SMIM35: variants seen among roughly 807,000 people sequenced by gnomAD.
SMIM35 encodes the protein small integral membrane protein 35, also known as TMPRSS4 antisense RNA 1 (non-protein coding).
intron 4 of SMIM35, among the ~76,000 whole-genome samples, chr11:118,011,177 G>T (rs1301427246): frequency 6.6e-6 from 1 of 152,184 alleles, no homozygotes; most frequent in Non-Finnish European, 1.5e-5. Context: ...CTGCTCCCGA[G>T]GATGGGAAAT....
At chr11:118,075,347 C>G (rs1944648327) in intron 1 of SMIM35, among the ~76,000 whole-genome samples, 1 of 152,244 alleles carries the variant, frequency 6.6e-6, no homozygotes, top group East Asian at 1.9e-4. Context: ...TGCTCAGAGA[C>G]AAGTCCAAGG....
chr11:118,062,716 C>T (rs181700938), intron 1 of SMIM35, among the ~76,000 whole-genome samples: 2 of 152,312 alleles, frequency 1.3e-5, no homozygotes, highest in East Asian at 3.9e-4. Context: ...CGTTGACTTC[C>T]ATCTGTTTTT....
At chr11:118,008,135 G>A (rs2058131231) in intron 4 of SMIM35, among the ~76,000 whole-genome samples, 1 of 152,086 alleles carries the variant, frequency 6.6e-6, no homozygotes, top group African/African-American at 2.4e-5. Flanking sequence ...TTCCCAAAGT[G>A]CTAGGATTAC....
At chr11:118,038,843 C>A (rs1943954266) in intron 1 of SMIM35, among the ~76,000 whole-genome samples, 1 of 151,958 alleles carries the variant, frequency 6.6e-6, no homozygotes, top group Non-Finnish European at 1.5e-5. Context: ...ACAACATGTG[C>A]AAAGGGCTCA....
At chr11:118,078,378 G>C (rs772447719) in intron 1 of SMIM35, among the ~76,000 whole-genome samples, 1 of 152,152 alleles carries the variant, frequency 6.6e-6, no homozygotes, top group Non-Finnish European at 1.5e-5. Context: ...AAGGGGGAAG[G>C]GTGTGACCTG....
At chr11:118,046,229 T>C (rs888907459) in intron 1 of SMIM35, among the ~76,000 whole-genome samples, 2 of 152,096 alleles carry the variant, frequency 1.3e-5, no homozygotes, top group Admixed American at 1.3e-4. Context: ...AATGCAACAA[T>C]AAGGTGGGCA....
intron 1 of SMIM35, among the ~76,000 whole-genome samples, chr11:118,021,499 A>T (rs2058231255): frequency 6.6e-6 from 1 of 152,086 alleles, no homozygotes; most frequent in Non-Finnish European, 1.5e-5. Context: ...GTCTAATTTT[A>T]TATCATTTGC....
chr11:118,080,214 C>T (rs1424680612), intron 1 of SMIM35, among the ~76,000 whole-genome samples: 3 of 152,098 alleles, frequency 2.0e-5, no homozygotes, highest in Admixed American at 6.5e-5. Context: ...CTAGGGAAGT[C>T]GGGAAATTGT....
At chr11:118,050,350 C>G (rs927652220) in intron 1 of SMIM35, among the ~76,000 whole-genome samples, 1 of 152,210 alleles carries the variant, frequency 6.6e-6, no homozygotes, top group Non-Finnish European at 1.5e-5. Context: ...GGGGTGCCAG[C>G]TGGGGGAACC....
chr11:118,026,474 T>C (rs2135046566), intron 1 of SMIM35, among the ~76,000 whole-genome samples: 1 of 152,348 alleles, frequency 6.6e-6, no homozygotes, highest in South Asian at 2.1e-4. Context: ...AACAGATATA[T>C]TATCTTGGGG....
intron 1 of SMIM35, among the ~76,000 whole-genome samples, chr11:118,064,570 C>T (rs1479306698): frequency 6.6e-6 from 1 of 152,214 alleles, no homozygotes; most frequent in African/African-American, 2.4e-5. Context: ...AGGCATGTGC[C>T]ATCGTGCCTG....
At chr11:118,024,532 GTGTGATC>G (rs955291643) in intron 1 of SMIM35, among the ~76,000 whole-genome samples, 6 of 152,258 alleles carry the variant, frequency 3.9e-5, no homozygotes, top group Middle Eastern at 3.4e-3. Context: ...GAGTGCAATG[GTGTGATC>G]TCGGCTCACT....
At chr11:118,078,168 G>A (rs368215538) in intron 1 of SMIM35, among the ~76,000 whole-genome samples, 15 of 152,062 alleles carry the variant, frequency 9.9e-5, no homozygotes, top group African/African-American at 2.2e-4. Flanking sequence ...TACCTGGAGC[G>A]TCTTCGCTGT....
rs12417304 is a variant in SMIM35 at position 118,043,197 on chromosome 11, A to C, written c.8-27388T>G. Among the ~76,000 whole-genome samples, 629 of 152,356 alleles carry C rather than the reference A, an allele frequency of 4.1e-3. 11 individuals are homozygous for C. Among genetic ancestry groups the C allele is most frequent in the East Asian group, 0.037 (191 of 5,180 alleles). ...AGGTATCCAGATTGGAAAGGAAGAA[A>C]TGAAAATATCTCTGTTCACAGATAA... On this transcript the variant is annotated intron_variant, in intron 1 of 4. Coordinates refer to ENST00000689828, the MANE Select transcript of SMIM35 (RefSeq NM_001394165.1).
At chr11:118,014,111 G>A (rs1223735561) in intron 3 of SMIM35, among the ~76,000 whole-genome samples, 1 of 152,188 alleles carries the variant, frequency 6.6e-6, no homozygotes, top group Non-Finnish European at 1.5e-5. Context: ...CTGAATCCCT[G>A]ATTTTCTGAT....
chr11:118,009,979 G>A (rs2058142163), intron 4 of SMIM35, among the ~76,000 whole-genome samples: 2 of 152,220 alleles, frequency 1.3e-5, no homozygotes, highest in South Asian at 4.1e-4. Context: ...CTCAGCTCTG[G>A]TGCAGCCAGT....
intron 1 of SMIM35, among the ~76,000 whole-genome samples, chr11:118,036,411 T>C (rs1416079695): frequency 2.0e-5 from 3 of 152,262 alleles, no homozygotes; most frequent in Non-Finnish European, 2.9e-5. Flanking sequence ...TTTGAAAGTT[T>C]CCATTTTTTT....
At chr11:118,020,676 T>C (rs927376266) in intron 1 of SMIM35, among the ~76,000 whole-genome samples, 1 of 152,208 alleles carries the variant, frequency 6.6e-6, no homozygotes, top group African/African-American at 2.4e-5. Context: ...GTATATTGGT[T>C]TTCCATGTAA....
At chr11:118,024,248 A>T (rs1477905747) in intron 1 of SMIM35, among the ~76,000 whole-genome samples, 1 of 152,194 alleles carries the variant, frequency 6.6e-6, no homozygotes, top group Non-Finnish European at 1.5e-5. Flanking sequence ...CATGGTTGAT[A>T]TCATAACTCT....
Sources: allele counts gnomAD v4.1 joint callset (sites outside exome capture counted in the v4.1 genomes callset), GRCh38; gene constraint gnomAD v4.1.1; transcripts MANE v1.5; gene names NCBI Gene and HGNC (gene_info 2026-07-23, HGNC 2026-07-21).